The following OSBPL10 variants were observed in gnomAD, a reference collection of about 807,000 sequenced individuals.
OSBPL10 encodes the protein oxysterol-binding protein-related protein 10.
A neutral mutation model predicts 81.7 loss-of-function variants in OSBPL10; 49 were observed. The observed-to-expected ratio is 0.60, with a 90% CI of 0.48 to 0.76. The LOEUF (loss-of-function observed/expected upper bound fraction) is 0.76. Among genes scored for constraint, OSBPL10 ranks in the 30% least tolerant of loss-of-function variants. OSBPL10 has a pLI of 0.00. For missense variants in OSBPL10, 923 were observed against 987.8 expected (o/e 0.93, Z 0.88); for synonymous variants, 419 against 383.6 (o/e 1.09, Z -1.08).
chr3:31,678,284 A>C (rs1246903922), intron 8 of OSBPL10, among the ~76,000 whole-genome samples: 3 of 152,164 alleles, frequency 2.0e-5, no homozygotes, highest in Non-Finnish European at 4.4e-5. Context: ...GGGAGACAGG[A>C]AGGACAAGGG....
At chr3:31,703,846 A>G (rs1165155608) in intron 6 of OSBPL10, 1 of 152,172 alleles carries the variant, frequency 6.6e-6, no homozygotes, top group Non-Finnish European at 1.5e-5. Flanking sequence ...TTCTTTTATT[A>G]TGTGCCCAGT....
intron 6 of OSBPL10, among the ~76,000 whole-genome samples, chr3:31,720,711 CAACATGGCA>C (rs1478872815): frequency 6.6e-6 from 1 of 151,690 alleles, no homozygotes; most frequent in Non-Finnish European, 1.5e-5. Context: ...CCAGCCTGGG[CAACATGGCA>C]ACACCCCATC....
At chr3:31,943,260 G>A (rs1213814566) in intron 1 of OSBPL10, among the ~76,000 whole-genome samples, 1 of 152,108 alleles carries the variant, frequency 6.6e-6, no homozygotes, top group Non-Finnish European at 1.5e-5. Flanking sequence ...TTCATCTACT[G>A]ATGCACACTT....
At chr3:31,801,266 T>C (rs1699371401) in intron 4 of OSBPL10, among the ~76,000 whole-genome samples, 1 of 152,178 alleles carries the variant, frequency 6.6e-6, no homozygotes, top group East Asian at 1.9e-4. Flanking sequence ...CATACTATTG[T>C]GGTCCCCAAG....
Position 32,060,573 on chromosome 3 carries a change from C to T in OSBPL10, n.186-13970G>A, listed in dbSNP as rs1332231789. Among the ~76,000 whole-genome samples the T allele has an allele frequency of 6.0e-5, 2 of 33,232 alleles. 1 individual carries two copies. The highest frequency in any genetic ancestry group is 3.1e-4 in the Non-Finnish European group (2 of 6,418). 21.8% of individuals were successfully genotyped at this position (33,232 alleles called of 152,430 possible). A position where few individuals can be genotyped will look rare whatever the true frequency, so the allele number is the denominator to read the frequency against. ...CAATAATATCCCCACTCTTCATCTC[C>T]AATTGTCTCCAAGCATTCTCTTCCA... On this transcript the variant is annotated intron_variant and non_coding_transcript_variant, in intron 1 of 3. Transcript: ENST00000479173.
At chr3:31,929,747 CAAA>C (rs11328456) in intron 1 of OSBPL10, among the ~76,000 whole-genome samples, 24 of 119,062 alleles carry the variant, frequency 2.0e-4, no homozygotes, top group Admixed American at 2.8e-4. Context: ...GACTCTGTCT[CAAA>C]AAAAAAAAAA....
chr3:32,019,996 T>G (rs1699347457), intron 2 of OSBPL10, among the ~76,000 whole-genome samples: 1 of 152,180 alleles, frequency 6.6e-6, no homozygotes. Flanking sequence ...CTCTCCCAGT[T>G]CCACTCACAG....
At chr3:32,018,691 A>G (rs907118346) in intron 2 of OSBPL10, among the ~76,000 whole-genome samples, 2 of 152,148 alleles carry the variant, frequency 1.3e-5, no homozygotes, top group African/African-American at 4.8e-5. Flanking sequence ...GGGCAGCAAC[A>G]CAGCAAGACT....
chr3:31,958,685 TTC>T (rs1014326426), intron 1 of OSBPL10, among the ~76,000 whole-genome samples: 6 of 152,184 alleles, frequency 3.9e-5, no homozygotes, highest in Non-Finnish European at 5.9e-5. Context: ...TACTGGATTC[TTC>T]TCTCTCTCAC....
chr3:32,018,411 A>G (rs1415095141), intron 2 of OSBPL10, among the ~76,000 whole-genome samples: 1 of 152,154 alleles, frequency 6.6e-6, no homozygotes, highest in African/African-American at 2.4e-5. Context: ...AATGGAGATA[A>G]TTCTAATGCC....
intron 4 of OSBPL10, chr3:31,797,618 A>G (rs1337621589): frequency 3.1e-6 from 1 of 319,204 alleles, no homozygotes; most frequent in East Asian, 9.2e-5. Context: ...CCAAACTACA[A>G]TTTCTGTGAA....
chr3:31,667,195 G>C (rs748814670), intron 10 of OSBPL10, among the ~76,000 whole-genome samples: 1 of 152,216 alleles, frequency 6.6e-6, no homozygotes, highest in Non-Finnish European at 1.5e-5. Flanking sequence ...CCCATTCTGG[G>C]AATGCTTCAT....
At chr3:32,018,112 C>A (rs1446581792) in intron 2 of OSBPL10, among the ~76,000 whole-genome samples, 2 of 151,446 alleles carry the variant, frequency 1.3e-5, no homozygotes, top group African/African-American at 4.9e-5. Flanking sequence ...GGTGCCATTG[C>A]ACTCCAACCT....
At chr3:31,676,224 A>G (rs1279047719) in intron 8 of OSBPL10, among the ~76,000 whole-genome samples, 1 of 151,548 alleles carries the variant, frequency 6.6e-6, no homozygotes, top group Non-Finnish European at 1.5e-5. Flanking sequence ...ATGTGTGTTC[A>G]TTCATCAAAT....
At chr3:31,940,315 G>C (rs977833174) in intron 1 of OSBPL10, among the ~76,000 whole-genome samples, 1 of 152,228 alleles carries the variant, frequency 6.6e-6, no homozygotes, top group East Asian at 1.9e-4. Flanking sequence ...AAGAGAGCCA[G>C]ACATGGCAGA....
chr3:31,815,784 T>A (rs1699820386), intron 4 of OSBPL10, among the ~76,000 whole-genome samples: 1 of 152,170 alleles, frequency 6.6e-6, no homozygotes, highest in Non-Finnish European at 1.5e-5. Flanking sequence ...CAAGGGGGGT[T>A]TGAGTGTCAC....
chr3:31,741,735 A>G (rs1697357737), intron 5 of OSBPL10, among the ~76,000 whole-genome samples: 1 of 152,138 alleles, frequency 6.6e-6, no homozygotes. Context: ...CCCCACCCAA[A>G]TCTCATCTTG....
intron 1 of OSBPL10, among the ~76,000 whole-genome samples, chr3:31,929,999 C>CAAACAAACA (rs200754356): frequency 0.025 from 712 of 27,978 alleles, 35 homozygotes; most frequent in South Asian, 0.04. Flanking sequence ...ACCCTGTCAC[C>CAAACAAACA]AACCAAAAAA....
chr3:31,909,586 A>C (rs568886502), intron 1 of OSBPL10, among the ~76,000 whole-genome samples: 1 of 152,322 alleles, frequency 6.6e-6, no homozygotes, highest in African/African-American at 2.4e-5. Context: ...ATTAGCAAAA[A>C]AGTGCAAATG....
Sources: allele counts gnomAD v4.1 joint callset (sites outside exome capture counted in the v4.1 genomes callset), GRCh38; gene constraint gnomAD v4.1.1; transcripts MANE v1.5; gene names NCBI Gene and HGNC (gene_info 2026-07-23, HGNC 2026-07-21).